The following TDRD12 variants were observed in gnomAD, a reference collection of about 807,000 sequenced individuals.
TDRD12 encodes the protein putative ATP-dependent RNA helicase TDRD12.
A neutral mutation model predicts 133.5 loss-of-function variants in TDRD12; 158 were observed. The ratio of observed to expected loss-of-function variants is 1.18; its 90% CI spans 1.04 to 1.35. The LOEUF is 1.35. Among genes scored for constraint, TDRD12 ranks in the 40% most tolerant of loss-of-function variants. The probability of loss-of-function intolerance (pLI) is 0.00; values close to 1 mark genes in which losing one functional copy is unlikely to be tolerated. For missense variants in TDRD12, 1,443 were observed against 1,321.3 expected, an observed-to-expected ratio of 1.09 and a Z score of -1.43; for synonymous variants, 460 against 477.9, an observed-to-expected ratio of 0.96 and a Z score of 0.49.
At chr19:32,780,305 C>T (rs1045208973) in intron 11 of TDRD12, among the ~76,000 whole-genome samples, 10 of 152,176 alleles carry the variant, frequency 6.6e-5, no homozygotes, top group African/African-American at 1.9e-4. Flanking sequence ...AGGCTGGTCT[C>T]GAACTCCTGA....
chr19:32,748,588 A>G (rs900471726), intron 5 of TDRD12, 57 bp downstream of exon 5: 5 of 1,495,128 alleles, frequency 3.3e-6, no homozygotes, highest in Admixed American at 4.2e-5. Context: ...CAGAGGCCTC[A>G]GCTTCTGCTG....
Position 32,745,064 on chromosome 19 carries a change from C to T in TDRD12, c.440+2164C>T, listed in dbSNP as rs11668646. ...CCAATGCGCCCTACCAGGCCGCCCT[C>T]CAGCCAGCCCCCCCCACTACTCACC... is the stretch of plus-strand genomic sequence containing the variant. On this transcript the variant is annotated intron_variant, in intron 4 of 27. Transcript: ENST00000444215. 1.0e-3 allele frequency among the ~76,000 whole-genome samples: 159 copies of T among 152,350 alleles called. 1 individual carries two copies. Among genetic ancestry groups the T allele is most frequent in the Middle Eastern group, 3.4e-3 (1 of 294 alleles).
chr19:32,734,007 T>G (rs1599834648), intron 2 of TDRD12, among the ~76,000 whole-genome samples: 1 of 152,048 alleles, frequency 6.6e-6, no homozygotes, highest in East Asian at 1.9e-4. Context: ...TTCTCCCGCC[T>G]TAGCCTCCCG....
intron 8 of TDRD12, among the ~76,000 whole-genome samples, chr19:32,762,299 T>C (rs754511752): frequency 6.6e-5 from 10 of 152,228 alleles, no homozygotes; most frequent in Admixed American, 6.5e-4. Flanking sequence ...TATGTTATTT[T>C]CTAGGAGTTT....
At chr19:32,749,930 C>A in intron 6 of TDRD12, 61 bp downstream of exon 6, 2 of 1,229,916 alleles carry the variant, frequency 1.6e-6, no homozygotes, top group Non-Finnish European at 2.3e-6. Context: ...TTTAATAAAA[C>A]AGAATAAATG....
At chr19:32,738,241 C>T (rs1178045565) in intron 2 of TDRD12, among the ~76,000 whole-genome samples, 1 of 152,214 alleles carries the variant, frequency 6.6e-6, no homozygotes, top group African/African-American at 2.4e-5. Flanking sequence ...GCATTATTTC[C>T]TGATTTAAGA....
chr19:32,729,486 G>A (rs547775912), intron 1 of TDRD12, among the ~76,000 whole-genome samples: 323 of 151,440 alleles, frequency 2.1e-3, no homozygotes, highest in Non-Finnish European at 3.9e-3. Flanking sequence ...CAAAGTGCTG[G>A]GATTACAGGC....
chr19:32,820,079 AAGG>A (rs779228970), intron 27 of TDRD12, among the ~76,000 whole-genome samples: 27 of 152,150 alleles, frequency 1.8e-4, no homozygotes, highest in Non-Finnish European at 3.2e-4. Flanking sequence ...GGATCTATCG[AAGG>A]AGAAGAGGGT....
At chr19:32,720,194 G>C in intron 1 of TDRD12, 98 bp downstream of exon 1, 1 of 1,167,734 alleles carries the variant, frequency 8.6e-7, no homozygotes, top group South Asian at 1.4e-5. Context: ...GCTCCGCACA[G>C]CTTCCTACAC....
At chr19:32,778,771 A>G (rs1002102134) in intron 11 of TDRD12, among the ~76,000 whole-genome samples, 4 of 152,190 alleles carry the variant, frequency 2.6e-5, no homozygotes, top group African/African-American at 9.7e-5. Flanking sequence ...AAGTGCTAGG[A>G]TTACAGGAGT....
intron 11 of TDRD12, among the ~76,000 whole-genome samples, chr19:32,782,653 G>C (rs986035833): frequency 6.6e-6 from 1 of 152,010 alleles, no homozygotes; most frequent in African/African-American, 2.4e-5. Flanking sequence ...TTTAATGATC[G>C]CCATTCTAAC....
chr19:32,738,899 C>T (rs1329911362), exon 3 of TDRD12: 1 of 1,551,332 alleles, frequency 6.4e-7, no homozygotes, highest in Non-Finnish European at 8.7e-7. Context: ...TGGTGCAGGG[C>T]CATTGTCAAA....
chr19:32,742,711 G>C lies in TDRD12; in HGVS notation c.321-70G>C, dbSNP rs538625433. ...TTACATTAAGTGTATTAATAAAATAGGTATACTTTAACGGAGTATGTTATA... is the reference window on the plus strand; with the variant it reads ...TTACATTAAGTGTATTAATAAAATACGTATACTTTAACGGAGTATGTTATA... On this transcript the variant is annotated intron_variant, in intron 3 of 27. Transcript: ENST00000444215. The C allele has an allele frequency of 1.5e-4, 215 of 1,406,128 alleles. 2 individuals are homozygous for C. In the South Asian group the frequency reaches 2.3e-3, roughly 15 times the overall value. The allele number at this position is 1,406,128 out of a possible 1,614,324, so 87.1% of individuals were successfully genotyped here.
At chr19:32,754,073 T>A (rs1327873852) in intron 6 of TDRD12, among the ~76,000 whole-genome samples, 1 of 152,220 alleles carries the variant, frequency 6.6e-6, no homozygotes, top group Non-Finnish European at 1.5e-5. Flanking sequence ...TGGGGTTCAT[T>A]TGTTACTGCT....
At position 32,775,838 on chromosome 19, in the gene TDRD12, G is replaced by A. The variant is rs149476488; in HGVS notation, c.1041-1311G>A. Among the ~76,000 whole-genome samples, 21 of 152,202 alleles carry A rather than the reference G, an allele frequency of 1.4e-4. No homozygotes were observed. The East Asian group carries it at 1.7e-3, about 13-fold the overall frequency. On this transcript the variant is annotated intron_variant, in intron 10 of 27. Coordinates refer to ENST00000444215, the Ensembl canonical transcript of TDRD12. ...CAGTCGATCTGGTTTTCCTGGGCCC[G>A]TGTGTGCTGAGTAACTTTGGACTCA...
intron 8 of TDRD12, among the ~76,000 whole-genome samples, chr19:32,772,341 C>T (rs556805807): frequency 2.0e-5 from 3 of 152,154 alleles, no homozygotes; most frequent in Non-Finnish European, 2.9e-5. Context: ...AGTCTCACAG[C>T]ACCACTTCTG....
At chr19:32,765,887 A>T (rs910410086) in intron 8 of TDRD12, among the ~76,000 whole-genome samples, 12 of 151,922 alleles carry the variant, frequency 7.9e-5, no homozygotes, top group East Asian at 5.8e-4. Flanking sequence ...CTTAAAGTAT[A>T]ATTTAAAAAA....
At chr19:32,811,471 C>A in intron 24 of TDRD12, 51 bp downstream of exon 24, 1 of 1,445,508 alleles carries the variant, frequency 6.9e-7, no homozygotes, top group Non-Finnish European at 9.4e-7. Flanking sequence ...ATATATTTAA[C>A]CGAGAATATA....
At chr19:32,755,395 C>T (rs1185325338) in intron 6 of TDRD12, among the ~76,000 whole-genome samples, 2 of 152,208 alleles carry the variant, frequency 1.3e-5, no homozygotes, top group African/African-American at 2.4e-5. Flanking sequence ...TGTAAACATT[C>T]GGCTAAGTGT....
Sources: allele counts gnomAD v4.1 joint callset (sites outside exome capture counted in the v4.1 genomes callset), GRCh38; gene constraint gnomAD v4.1.1; transcripts MANE v1.5; gene names NCBI Gene and HGNC (gene_info 2026-07-23, HGNC 2026-07-21).